MLXIPL: variants seen among roughly 807,000 people sequenced by gnomAD.
MLXIPL encodes the protein MLX interacting protein like.
Under a neutral mutation model 81.5 loss-of-function variants are expected in MLXIPL, and 49 were observed. The ratio of observed to expected loss-of-function variants is 0.60; its 90% CI spans 0.48 to 0.76. The LOEUF is 0.76. Among genes scored for constraint, MLXIPL ranks in the 30% least tolerant of loss-of-function variants. The pLI is 0.00. For synonymous variants in MLXIPL, 466 were observed against 485.5 expected, an observed-to-expected ratio of 0.96 and a Z score of 0.53; for missense variants, 1,053 against 1,167.0, an observed-to-expected ratio of 0.90 and a Z score of 1.42.
the MLXIPL span, among the ~76,000 whole-genome samples, chr7:73,645,654 C>G: frequency 1.6e-4 from 25 of 152,336 alleles, no homozygotes; most frequent in African/African-American, 5.8e-4. Context: ...GACCTCCTCC[C>G]AGCTCTGCTC....
intron 7 of MLXIPL, among the ~76,000 whole-genome samples, chr7:73,602,870 C>T (rs782775555): frequency 3.9e-5 from 6 of 152,212 alleles, no homozygotes; most frequent in South Asian, 4.1e-4. Flanking sequence ...CCCTGGGTCC[C>T]GGGCAGGGGT....
chr7:73,624,634 G>A (rs1268142618), upstream of MLXIPL: 24 of 1,366,044 alleles, frequency 1.8e-5, no homozygotes, highest in South Asian at 1.9e-4. Context: ...GGCGGGGCTT[G>A]TATTAGCATA....
At chr7:73,619,908 C>T (rs1489904662) in intron 1 of MLXIPL, among the ~76,000 whole-genome samples, 3 of 151,854 alleles carry the variant, frequency 2.0e-5, no homozygotes, top group African/African-American at 4.8e-5. Context: ...CCAGCCTGGG[C>T]GACAGAGCAA....
the MLXIPL span, among the ~76,000 whole-genome samples, chr7:73,633,851 C>T: frequency 2.6e-5 from 4 of 152,150 alleles, no homozygotes; most frequent in African/African-American, 9.7e-5. Flanking sequence ...GCTCCTCTCA[C>T]CAGCTTACAT....
chr7:73,600,372 A>G (rs1241470802), intron 7 of MLXIPL, among the ~76,000 whole-genome samples: 23 of 28,852 alleles, frequency 8.0e-4, no homozygotes, highest in African/African-American at 1.3e-3. Flanking sequence ...TCTGAGTGGG[A>G]TGGGGGTGAG....
At chr7:73,619,866 C>T (rs1429756626) in intron 1 of MLXIPL, among the ~76,000 whole-genome samples, 1 of 145,172 alleles carries the variant, frequency 6.9e-6, no homozygotes, top group Non-Finnish European at 1.5e-5. Flanking sequence ...GGAGGCAGAG[C>T]TTGCAGTGAG....
At chr7:73,633,038 C>T in the MLXIPL span, among the ~76,000 whole-genome samples, 1 of 150,606 alleles carries the variant, frequency 6.6e-6, no homozygotes, top group Admixed American at 6.7e-5. Flanking sequence ...GCTTCGGCCT[C>T]CCAAAGCGCC....
chr7:73,595,019 T>C (rs1794160668), intron 15 of MLXIPL, among the ~76,000 whole-genome samples: 1 of 152,114 alleles, frequency 6.6e-6, no homozygotes, highest in Non-Finnish European at 1.5e-5. Context: ...CTAATTTTTG[T>C]ATTTTTAGTA....
intron 1 of MLXIPL, among the ~76,000 whole-genome samples, chr7:73,621,768 CCT>C (rs1172954784): frequency 1.0e-3 from 106 of 102,916 alleles, no homozygotes; most frequent in Non-Finnish European, 1.9e-3. Context: ...TCCCTTCCTC[CCT>C]CTCTCCCTTC....
In MLXIPL at chr7:73,613,334, C is replaced by T. The variant is rs868977236; in HGVS notation, c.400+2737G>A. ...GACCTATTGGCCGGGCGCGGTGGCT[C>T]ATGCCTGTAATCCCAGCACTTTGGG... On this transcript the variant is annotated intron_variant, in intron 2 of 16. Transcript: ENST00000313375. 3.9e-5 allele frequency among the ~76,000 whole-genome samples: 6 copies of T among 152,326 alleles called. No homozygotes were observed. In the South Asian group the frequency reaches 1.0e-3, roughly 26 times the overall value.
chr7:73,640,776 CAAAAA>C, the MLXIPL span, among the ~76,000 whole-genome samples: 23 of 66,772 alleles, frequency 3.4e-4, no homozygotes, highest in African/African-American at 1.3e-3. Flanking sequence ...GACTCCATCT[CAAAAA>C]AAAAAAAAAA....
At chr7:73,597,854 C>T in intron 8 of MLXIPL, 141 bp from the exon 9 acceptor site, 1 of 459,484 alleles carries the variant, frequency 2.2e-6, no homozygotes, top group East Asian at 3.4e-5. Flanking sequence ...ATGAGCCCTG[C>T]CTTCCAACAC....
the MLXIPL span, among the ~76,000 whole-genome samples, chr7:73,635,774 C>T: frequency 2.6e-5 from 4 of 152,282 alleles, no homozygotes; most frequent in Non-Finnish European, 5.9e-5. Flanking sequence ...ACCAATATGT[C>T]TATCTGTCCA....
At chr7:73,636,743 T>C in the MLXIPL span, among the ~76,000 whole-genome samples, 4 of 151,934 alleles carry the variant, frequency 2.6e-5, no homozygotes, top group Middle Eastern at 3.4e-3. Flanking sequence ...AAATTCAGAG[T>C]GTCTAGAAGC....
rs1211687360 is a variant in MLXIPL, at chr7:73,623,893, C to A, written c.293+307G>T. ...TTTGTAGGGACGGAGGGGCTGGGAC[C>A]AGAGAGAGGGGACCAGAGGTCCAGG... On this transcript the variant is annotated intron_variant, in intron 1 of 16. Coordinates refer to ENST00000313375, the MANE Select transcript of MLXIPL (RefSeq NM_032951.3). This position sits in a 1 kb window ranked among gnomAD's most constrained non-coding sequence, Gnocchi z 5.7. 1.3e-5 allele frequency among the ~76,000 whole-genome samples: 2 copies of A among 151,780 alleles called. No individual in the cohort carries two copies. The highest frequency in any genetic ancestry group is 2.9e-5 in the Non-Finnish European group (2 of 67,936).
intron 1 of MLXIPL, among the ~76,000 whole-genome samples, chr7:73,621,948 C>T (rs1488373487): frequency 1.3e-4 from 16 of 118,942 alleles, no homozygotes; most frequent in Non-Finnish European, 2.3e-4. Flanking sequence ...CTCTCTCCAT[C>T]TCCCTCCCTC....
the MLXIPL span, among the ~76,000 whole-genome samples, chr7:73,631,109 T>C: frequency 6.6e-6 from 1 of 151,774 alleles, no homozygotes; most frequent in African/African-American, 2.4e-5. Flanking sequence ...CCTGGGTTCA[T>C]GCCATTCTCC....
chr7:73,638,056 C>T, the MLXIPL span, among the ~76,000 whole-genome samples: 1 of 152,118 alleles, frequency 6.6e-6, no homozygotes, highest in Non-Finnish European at 1.5e-5. Flanking sequence ...CTCCCCATGG[C>T]CAGGGTCTGG....
At chr7:73,611,082 C>T (rs1168475841) in intron 2 of MLXIPL, 1 of 152,208 alleles carries the variant, frequency 6.6e-6, no homozygotes, top group Admixed American at 6.6e-5. Flanking sequence ...CCTCGGCCTC[C>T]TAAAGTGCTG....
Sources: allele counts gnomAD v4.1 joint callset (sites outside exome capture counted in the v4.1 genomes callset), GRCh38; gene constraint gnomAD v4.1.1; non-coding constraint Gnocchi (gnomAD v3.1); transcripts MANE v1.5; gene names NCBI Gene and HGNC (gene_info 2026-07-23, HGNC 2026-07-21).